The following CBR4 variants were observed in gnomAD, a reference collection of about 807,000 sequenced individuals.
CBR4 encodes 3-oxoacyl-[acyl-carrier-protein] reductase.
In CBR4, 22 loss-of-function variants were observed where a neutral mutation model predicts 21.0. That is an observed-to-expected ratio of 1.05 (90% CI 0.75 to 1.50). The LOEUF (loss-of-function observed/expected upper bound fraction) is 1.50. Ranked by LOEUF, CBR4 falls within the 40% of genes most tolerant of loss-of-function variation. The pLI, the probability that CBR4 is intolerant of heterozygous loss-of-function variation, is 0.00. For missense variants in CBR4, 302 were observed against 286.3 expected (o/e 1.05, Z -0.40); for synonymous variants, 100 against 104.4 (o/e 0.96, Z 0.26).
Position 168,929,975 on chromosome 4 carries a change from G to A in CBR4, n.170-35210C>T, listed in dbSNP as rs191241649. On this transcript the variant is annotated intron_variant and non_coding_transcript_variant, in intron 2 of 3. Coordinates refer to the CBR4 transcript ENST00000509108. The stretch of plus-strand genomic sequence containing the variant: ...TGGATGGGAAAAACATTACCCCCTA[G>A]CTGAAATTTAGAATTTCCTTCAATT... Among the ~76,000 whole-genome samples, 221 of 152,198 alleles carry A rather than the reference G, an allele frequency of 1.5e-3. 1 individual carries two copies. The highest frequency in any genetic ancestry group is 5.0e-3 in the African/African-American group (206 of 41,536).
intron 2 of CBR4, among the ~76,000 whole-genome samples, chr4:168,915,396 A>G (rs1759892169): frequency 6.6e-6 from 1 of 152,244 alleles, no homozygotes; most frequent in South Asian, 2.1e-4. Flanking sequence ...GCCTCTAGGC[A>G]TATGGATAAC....
intron 3 of CBR4, among the ~76,000 whole-genome samples, chr4:169,004,521 A>C (rs1027592915): frequency 6.6e-6 from 1 of 152,220 alleles, no homozygotes; most frequent in African/African-American, 2.4e-5. Context: ...GATATTCTAA[A>C]TCCTTTGTCA....
chr4:169,007,466 T>C (rs936133446), intron 2 of CBR4, among the ~76,000 whole-genome samples, 170 bp downstream of exon 2: 2 of 152,212 alleles, frequency 1.3e-5, no homozygotes, highest in Non-Finnish European at 2.9e-5. Context: ...ATTTATTATA[T>C]GTTGTATCTC....
chr4:169,009,966 C>G lies in CBR4; in HGVS notation c.124G>C (p.Ala42Pro). 1 of 1,612,072 alleles carries G rather than the reference C, an allele frequency of 6.2e-7. No homozygotes were observed. The highest frequency in any genetic ancestry group is 1.1e-5 in the South Asian group (1 of 90,794). The change falls in exon 1 of 5, where the codon GCC becomes CCC. Residue 42 changes from alanine (A) to proline (P), a missense_variant. Transcript: ENST00000306193. The part of the protein sequence containing the change: ...IARNLEGAKA[A>P]AGDLGGDHLA... ...TACCTACCGCCGAGGTCACCGGCGG[C>G]GGCTTTGGCCCCTTCCAGGTTTCTG...
At chr4:168,993,360 G>A (rs1765019172) in intron 4 of CBR4, among the ~76,000 whole-genome samples, 1 of 152,002 alleles carries the variant, frequency 6.6e-6, no homozygotes, top group African/African-American at 2.4e-5. Flanking sequence ...ACAGGCACAC[G>A]CCACCATGCC....
At position 169,006,339 on chromosome 4, in the gene CBR4, T is replaced by TA. The variant is rs79662740; in HGVS notation, c.400+415dup. Among the ~76,000 whole-genome samples, 306 of 146,376 alleles carry TA rather than the reference T, an allele frequency of 2.1e-3. 1 individual carries two copies. Among genetic ancestry groups the TA allele is most frequent in the Middle Eastern group, 0.011 (3 of 284 alleles). ...CACATAGTGTGACCTCGTCTCTATT[T>TA]AAAAAAAAAAAAATTCACATAAAAA... On this transcript the variant is annotated intron_variant, in intron 3 of 4. Transcript: ENST00000306193.
At chr4:169,003,991 C>T (rs529451225) in intron 3 of CBR4, among the ~76,000 whole-genome samples, 8 of 152,042 alleles carry the variant, frequency 5.3e-5, no homozygotes, top group African/African-American at 1.2e-4. Flanking sequence ...ATATACCTAA[C>T]GCTAGATGAC....
chr4:168,926,174 T>A, intron 2 of CBR4: 1 of 1,456,026 alleles, frequency 6.9e-7, no homozygotes, highest in Non-Finnish European at 9.1e-7. Flanking sequence ...TCCAAGTATA[T>A]CTTGATTAAA....
At chr4:168,910,220 C>CTTTTTTTTTT (rs70961563) in intron 2 of CBR4, among the ~76,000 whole-genome samples, 1 of 114,010 alleles carries the variant, frequency 8.8e-6, no homozygotes, top group Non-Finnish European at 1.8e-5. Flanking sequence ...AACCTGTTTA[C>CTTTTTTTTTT]TTTTTTTTTT....
chr4:168,981,999 T>C (rs1764561327), intron 2 of CBR4, among the ~76,000 whole-genome samples: 1 of 152,078 alleles, frequency 6.6e-6, no homozygotes, highest in Non-Finnish European at 1.5e-5. Flanking sequence ...AAAGCAAATA[T>C]AATAATACAA....
At chr4:168,968,248 G>A (rs559706457) in intron 2 of CBR4, among the ~76,000 whole-genome samples, 2 of 152,156 alleles carry the variant, frequency 1.3e-5, no homozygotes, top group South Asian at 4.1e-4. Flanking sequence ...GTAAATTATG[G>A]TTTTACCAAA....
chr4:168,935,775 G>A (rs926987484), intron 2 of CBR4, among the ~76,000 whole-genome samples: 1 of 152,216 alleles, frequency 6.6e-6, no homozygotes, highest in Non-Finnish European at 1.5e-5. Context: ...GGGGCTCATA[G>A]GGAAAACTCC....
chr4:168,909,786 A>G (rs530117481), intron 2 of CBR4, among the ~76,000 whole-genome samples: 2 of 152,310 alleles, frequency 1.3e-5, no homozygotes, highest in African/African-American at 4.8e-5. Context: ...CAAAAATAGT[A>G]TGTTCAGACT....
chr4:168,934,260 G>A (rs972773557), intron 2 of CBR4, among the ~76,000 whole-genome samples: 1 of 3,646 alleles, frequency 2.7e-4, no homozygotes, highest in Admixed American at 3.9e-3. Flanking sequence ...AGTTTTAAAA[G>A]AAACTAGAAA....
chr4:168,958,324 G>A (rs1190735360), intron 2 of CBR4, among the ~76,000 whole-genome samples: 3 of 151,646 alleles, frequency 2.0e-5, no homozygotes, highest in East Asian at 1.9e-4. Flanking sequence ...GAGAACAGAC[G>A]AATACATACT....
chr4:168,955,817 C>G (rs11729275), intron 2 of CBR4, among the ~76,000 whole-genome samples: 105,509 of 152,084 alleles, frequency 0.69, 37,922 homozygotes, highest in East Asian at 0.96. Flanking sequence ...GCCAGCTATG[C>G]AGCAGCAATG....
intron 2 of CBR4, among the ~76,000 whole-genome samples, chr4:168,954,332 A>G (rs1295683834): frequency 6.6e-6 from 1 of 152,232 alleles, no homozygotes; most frequent in Non-Finnish European, 1.5e-5. Flanking sequence ...ATTATAAAGA[A>G]TACCACAAAC....
At chr4:168,992,625 A>T (rs1764980238) in intron 4 of CBR4, among the ~76,000 whole-genome samples, 1 of 152,246 alleles carries the variant, frequency 6.6e-6, no homozygotes, top group Admixed American at 6.5e-5. Flanking sequence ...CCACTATTAA[A>T]AACACAACAA....
At chr4:168,948,332 T>C (rs1269150194) in intron 2 of CBR4, among the ~76,000 whole-genome samples, 8 of 152,244 alleles carry the variant, frequency 5.3e-5, no homozygotes, top group Non-Finnish European at 1.5e-5. Context: ...CTGTTTAGTC[T>C]GCTGACTGTT....
Sources: gnomAD v4.1 joint callset for allele counts (sites outside exome capture counted in the v4.1 genomes callset) on GRCh38, gnomAD v4.1.1 for gene constraint, MANE v1.5 for transcripts, NCBI Gene and HGNC (gene_info 2026-07-23, HGNC 2026-07-21) for gene names.